Variants in DAB1 observed in about 807,000 individuals in gnomAD.
DAB1 encodes the protein disabled homolog 1.
In DAB1, 15 loss-of-function variants were observed where a neutral mutation model predicts 64.6. The observed-to-expected ratio is 0.23, with a 90% CI of 0.16 to 0.36. DAB1 has a LOEUF of 0.36. Ranked by LOEUF, DAB1 falls within the 10% of genes least tolerant of loss-of-function variation. The probability of loss-of-function intolerance (pLI) is 1.00; values close to 1 mark genes in which losing one functional copy is unlikely to be tolerated. For missense variants in DAB1, 596 were observed against 706.7 expected (o/e 0.84, Z 1.78); for synonymous variants, 235 against 251.9 (o/e 0.93, Z 0.64).
intron 6 of DAB1, among the ~76,000 whole-genome samples, chr1:57,652,494 T>C (rs191155598): frequency 5.9e-5 from 9 of 152,270 alleles, no homozygotes; most frequent in Non-Finnish European, 1.2e-4. Context: ...AATCTCTCTA[T>C]TGCAATTCCC....
chr1:57,271,882 C>A (rs1196322137), intron 2 of DAB1, among the ~76,000 whole-genome samples: 3 of 152,128 alleles, frequency 2.0e-5, no homozygotes. Flanking sequence ...AGGTGGCCAC[C>A]ATCAGAGCTG....
chr1:57,861,983 T>C (rs1383999182), intron 1 of DAB1, among the ~76,000 whole-genome samples: 1 of 152,148 alleles, frequency 6.6e-6, no homozygotes, highest in Non-Finnish European at 1.5e-5. Flanking sequence ...CTCCTTGTGA[T>C]GGGAAGTTCA....
At chr1:57,179,085 T>C (rs1369150240) in intron 2 of DAB1, among the ~76,000 whole-genome samples, 1 of 152,202 alleles carries the variant, frequency 6.6e-6, no homozygotes, top group African/African-American at 2.4e-5. Context: ...CATCAGCAGA[T>C]GTCAAACAGA....
At chr1:58,379,402 G>C (rs930106771) in intron 3 of DAB1, among the ~76,000 whole-genome samples, 1 of 152,150 alleles carries the variant, frequency 6.6e-6, no homozygotes, top group Non-Finnish European at 1.5e-5. Context: ...GCACTCATTT[G>C]CTATACCCTC....
chr1:58,517,222 A>G (rs1646170954), intron 2 of DAB1, among the ~76,000 whole-genome samples: 1 of 152,216 alleles, frequency 6.6e-6, no homozygotes, highest in South Asian at 2.1e-4. Flanking sequence ...ACTGAACCCA[A>G]AGTCCTGACC....
chr1:57,122,785 A>G (rs887092061), intron 4 of DAB1, among the ~76,000 whole-genome samples: 2 of 152,178 alleles, frequency 1.3e-5, no homozygotes, highest in East Asian at 1.9e-4. Context: ...AGGAAGGGGG[A>G]GCTTATTCAT....
rs945753527 is a variant in DAB1, at chr1:56,994,815, A to G, written c.*3329T>C. Reference sequence around the variant, plus strand: ...ACATGTTTATTTGTAACAGTTTTACATGGTGTGTTACAGAAATTAATGGAA... The same window carrying G: ...ACATGTTTATTTGTAACAGTTTTACGTGGTGTGTTACAGAAATTAATGGAA... On this transcript the variant is annotated 3_prime_UTR_variant, in exon 15 of 15. Transcript: ENST00000371236. 16 of 152,368 alleles carry G rather than the reference A, an allele frequency of 1.1e-4. No homozygotes were observed. The highest frequency in any genetic ancestry group is 9.8e-4 in the Admixed American group (15 of 15,308). 9.4% of individuals were successfully genotyped at this position (152,368 alleles called of 1,614,324 possible).
chr1:57,143,826 C>CTT (rs147069646), intron 3 of DAB1, among the ~76,000 whole-genome samples: 2 of 148,616 alleles, frequency 1.3e-5, no homozygotes, highest in Non-Finnish European at 3.0e-5. Flanking sequence ...ACCTAACAAG[C>CTT]TTTTTTTTTT....
chr1:57,030,658 A>G lies in DAB1; in HGVS notation c.724-4615T>C, dbSNP rs115040712. Among the ~76,000 whole-genome samples the G allele has an allele frequency of 4.4e-3, 665 of 152,330 alleles. 5 individuals carry two copies. Among genetic ancestry groups the G allele is most frequent in the African/African-American group, 0.015 (616 of 41,568 alleles). On this transcript the variant is annotated intron_variant, in intron 9 of 14. Coordinates refer to ENST00000371236, the MANE Select transcript of DAB1 (RefSeq NM_001365792.1). ...TGGCTATCTTGTTTCTCTTTCATAC[A>G]GTAACAGCCCAGCAGCTGATGGGAA...
At chr1:57,672,622 T>A (rs1253595998) in intron 6 of DAB1, among the ~76,000 whole-genome samples, 1 of 152,190 alleles carries the variant, frequency 6.6e-6, no homozygotes, top group Non-Finnish European at 1.5e-5. Flanking sequence ...CACAGTAAGT[T>A]AAAATCAGGT....
At chr1:57,909,184 G>A (rs937929279) in intron 5 of DAB1, among the ~76,000 whole-genome samples, 3 of 152,116 alleles carry the variant, frequency 2.0e-5, no homozygotes. Flanking sequence ...TTCTAGTCTT[G>A]GTTCAGGCTC....
At chr1:57,091,292 T>A (rs1215475236) in intron 4 of DAB1, among the ~76,000 whole-genome samples, 1 of 151,596 alleles carries the variant, frequency 6.6e-6, no homozygotes, top group Non-Finnish European at 1.5e-5. Flanking sequence ...TGTTTTGATT[T>A]AAAAAAAAAT....
intron 3 of DAB1, among the ~76,000 whole-genome samples, chr1:58,499,314 C>CAAAAAAAAA (rs58217798): frequency 4.3e-5 from 3 of 69,738 alleles, no homozygotes; most frequent in Non-Finnish European, 5.7e-5. Context: ...CACATCTCTA[C>CAAAAAAAAA]AAAAAAAAAA....
chr1:57,695,282 A>AG lies in DAB1; in HGVS notation n.552-45618_552-45617insC, dbSNP rs1557427595. The stretch of plus-strand genomic sequence containing the variant: ...GAAGGAAGGAAGGAAGGAAGGAAGG[A>AG]AGAAAGGGAGAGAGAAGGAAAGAAA... On this transcript the variant is annotated intron_variant and non_coding_transcript_variant, in intron 6 of 20. Transcript: ENST00000485760. Among the ~76,000 whole-genome samples the AG allele has an allele frequency of 6.5e-4, 69 of 105,812 alleles. 2 individuals are homozygous for AG. The highest frequency in any genetic ancestry group is 2.7e-3 in the African/African-American group (66 of 24,270). The allele number at this position is 105,812 out of a possible 152,430, so 69.4% of individuals were successfully genotyped here.
chr1:57,696,336 A>G (rs963281564), intron 6 of DAB1, among the ~76,000 whole-genome samples: 4 of 143,166 alleles, frequency 2.8e-5, no homozygotes, highest in Non-Finnish European at 4.5e-5. Flanking sequence ...TGTCTGTGGG[A>G]GATGTGGGAA....
At chr1:58,403,950 A>C (rs1273370971) in intron 3 of DAB1, among the ~76,000 whole-genome samples, 1 of 152,218 alleles carries the variant, frequency 6.6e-6, no homozygotes, top group Non-Finnish European at 1.5e-5. Flanking sequence ...AAAGACTCAA[A>C]TTTACATTAT....
intron 4 of DAB1, among the ~76,000 whole-genome samples, chr1:58,278,139 C>T (rs1661496199): frequency 6.6e-6 from 1 of 152,156 alleles, no homozygotes; most frequent in Non-Finnish European, 1.5e-5. Context: ...AGGGTGGGGC[C>T]TGGTGGGAGG....
intron 7 of DAB1, among the ~76,000 whole-genome samples, chr1:57,638,627 C>A (rs1041334236): frequency 6.6e-6 from 1 of 152,160 alleles, no homozygotes; most frequent in Non-Finnish European, 1.5e-5. Context: ...CCATGGAGAT[C>A]AAAGACACAG....
At chr1:58,138,334 C>T (rs1051387364) in intron 5 of DAB1, among the ~76,000 whole-genome samples, 1 of 152,122 alleles carries the variant, frequency 6.6e-6, no homozygotes, top group African/African-American at 2.4e-5. Flanking sequence ...TAAGCTGACT[C>T]CCCAAACAGT....
Sources: gnomAD v4.1 joint callset for allele counts (sites outside exome capture counted in the v4.1 genomes callset) on GRCh38, gnomAD v4.1.1 for gene constraint, MANE v1.5 for transcripts, NCBI Gene and HGNC (gene_info 2026-07-23, HGNC 2026-07-21) for gene names.